NBAS: variants seen among roughly 807,000 people sequenced by gnomAD.
NBAS encodes NAG/BC035112 fusion.
Under a neutral mutation model 302.5 loss-of-function variants are expected in NBAS, and 219 were observed. The observed-to-expected ratio is 0.72, with a 90% CI of 0.65 to 0.81. The LOEUF (loss-of-function observed/expected upper bound fraction) is 0.81, where lower values mean the gene tolerates loss of function less well. NBAS is among the 30% of genes least tolerant of loss of function. The probability of loss-of-function intolerance (pLI) is 0.00; values close to 1 mark genes in which losing one functional copy is unlikely to be tolerated. For synonymous variants in NBAS, 1,118 were observed against 1,021.6 expected, an observed-to-expected ratio of 1.09 and a Z score of -1.80; for missense variants, 2,932 against 2,841.6, an observed-to-expected ratio of 1.03 and a Z score of -0.72.
intron 47 of NBAS, among the ~76,000 whole-genome samples, chr2:15,221,445 G>C (rs1442367333): frequency 6.6e-6 from 1 of 152,050 alleles, no homozygotes; most frequent in Non-Finnish European, 1.5e-5. Flanking sequence ...ATAATTATCA[G>C]CATCATCAAA....
At chr2:15,341,170 G>A (rs1672832117) in intron 35 of NBAS, among the ~76,000 whole-genome samples, 1 of 152,164 alleles carries the variant, frequency 6.6e-6, no homozygotes, top group Admixed American at 6.6e-5. Context: ...CAGATCACTT[G>A]AGGCCAAGAG....
chr2:14,800,854 G>A, the NBAS span, among the ~76,000 whole-genome samples: 3 of 122,638 alleles, frequency 2.4e-5, no homozygotes, highest in Admixed American at 1.7e-4. Flanking sequence ...TCCTTCTTTT[G>A]TGTAGATCAA....
intron 21 of NBAS, among the ~76,000 whole-genome samples, chr2:15,440,562 A>C (rs1678324311): frequency 6.6e-6 from 1 of 152,164 alleles, no homozygotes; most frequent in Admixed American, 6.5e-5. Context: ...ATGGGGAAAA[A>C]ACAGAGCAGA....
intron 38 of NBAS, among the ~76,000 whole-genome samples, chr2:15,309,949 T>C (rs756563051): frequency 5.3e-5 from 8 of 152,228 alleles, no homozygotes; most frequent in Admixed American, 3.9e-4. Context: ...AGCATCTCAG[T>C]AGCAAATACT....
chr2:15,093,234 G>A, the NBAS span, among the ~76,000 whole-genome samples: 1 of 152,088 alleles, frequency 6.6e-6, no homozygotes, highest in Non-Finnish European at 1.5e-5. Context: ...TGGCCAACAT[G>A]GTAAAACCCC....
chr2:15,163,037 G>A (rs1282372644), downstream of NBAS, among the ~76,000 whole-genome samples: 1 of 152,192 alleles, frequency 6.6e-6, no homozygotes, highest in African/African-American at 2.4e-5. Context: ...TCGTGCCACG[G>A]GCCTGCCGCT....
chr2:15,421,979 C>T (rs1259611000), intron 23 of NBAS, among the ~76,000 whole-genome samples: 2 of 152,184 alleles, frequency 1.3e-5, no homozygotes, highest in Non-Finnish European at 2.9e-5. Context: ...TCATCATCCC[C>T]CAAAGTCCAC....
At chr2:14,784,778 C>T in the NBAS span, among the ~76,000 whole-genome samples, 1 of 152,098 alleles carries the variant, frequency 6.6e-6, no homozygotes, top group East Asian at 1.9e-4. Context: ...GTTCTTTTGT[C>T]TTAGGATTGA....
chr2:15,437,973 TGA>T (rs955504002), intron 21 of NBAS, among the ~76,000 whole-genome samples: 3 of 152,184 alleles, frequency 2.0e-5, no homozygotes, highest in Non-Finnish European at 2.9e-5. Flanking sequence ...TAAATGCCCT[TGA>T]GAGATAACAC....
intron 11 of NBAS, among the ~76,000 whole-genome samples, chr2:15,499,284 G>A (rs745933507): frequency 3.9e-5 from 6 of 152,074 alleles, no homozygotes; most frequent in South Asian, 2.1e-4. Context: ...AATATAAATC[G>A]TTCTGTCATA....
chr2:15,429,640 T>C (rs1414942972), intron 21 of NBAS, among the ~76,000 whole-genome samples: 1 of 152,154 alleles, frequency 6.6e-6, no homozygotes, highest in Non-Finnish European at 1.5e-5. Flanking sequence ...GGGCAAATTA[T>C]CCAAAGTCAA....
the NBAS span, among the ~76,000 whole-genome samples, chr2:15,033,627 T>C: frequency 1.3e-5 from 2 of 152,110 alleles, no homozygotes; most frequent in Admixed American, 6.5e-5. Context: ...GATAATTAGT[T>C]CATAAGGGTG....
At chr2:14,782,966 G>C in the NBAS span, among the ~76,000 whole-genome samples, 1 of 152,084 alleles carries the variant, frequency 6.6e-6, no homozygotes, top group Admixed American at 6.6e-5. Flanking sequence ...GAGGGTGGAA[G>C]GTGGGAGGAG....
intron 41 of NBAS, 45 bp from the exon 42 acceptor site, chr2:15,287,228 A>G (rs1447270588): frequency 2.0e-6 from 3 of 1,492,698 alleles, no homozygotes; most frequent in Non-Finnish European, 2.8e-6. Context: ...GAGGAGAAAC[A>G]CATGACTTCA....
the NBAS span, among the ~76,000 whole-genome samples, chr2:15,005,440 AT>A: frequency 6.6e-6 from 1 of 152,206 alleles, no homozygotes; most frequent in Non-Finnish European, 1.5e-5. Flanking sequence ...AGTCCTTTTC[AT>A]CATTTTACTT....
chr2:15,252,999 T>C (rs1473802687), intron 44 of NBAS, among the ~76,000 whole-genome samples: 1 of 152,066 alleles, frequency 6.6e-6, no homozygotes, highest in African/African-American at 2.4e-5. Context: ...GAAGCAGAAC[T>C]TGAAGCATCA....
Position 15,534,624 on chromosome 2 carries a change from C to A in NBAS, c.665G>T (p.Ser222Ile), listed in dbSNP as rs745695970. The change falls in exon 9 of 52, where the codon AGC becomes ATC. Residue 222 changes from serine to isoleucine, a missense_variant. Physicochemically the swap from Ser to Ile is moderately radical, Grantham distance 142. Transcript: ENST00000281513. ...GCTGAAACAGTGACTTTCTTGGTAG[C>A]TCTGATTTGTTCCAACACTAAATTT... ...SYLVSVGTNQSYQESHCFSFS... is the reference protein window; with the variant it reads ...SYLVSVGTNQIYQESHCFSFS... 1.2e-6 allele frequency: 2 copies of A among 1,613,360 alleles called. No individual in the cohort carries two copies. The highest frequency in any genetic ancestry group is 2.7e-5 in the African/African-American group (2 of 74,904).
chr2:15,006,681 G>A, the NBAS span, among the ~76,000 whole-genome samples: 58 of 152,094 alleles, frequency 3.8e-4, no homozygotes, highest in African/African-American at 1.1e-3. Context: ...ATAACTATTC[G>A]TTTACAATTA....
chr2:15,485,511 G>C (rs1680587060), intron 12 of NBAS, among the ~76,000 whole-genome samples: 2 of 152,202 alleles, frequency 1.3e-5, no homozygotes, highest in South Asian at 4.1e-4. Context: ...AAGAACATAT[G>C]CATCAGTGTC....
Sources: gnomAD v4.1 joint callset for allele counts (sites outside exome capture counted in the v4.1 genomes callset) on GRCh38, gnomAD v4.1.1 for gene constraint, MANE v1.5 for transcripts, NCBI Gene and HGNC (gene_info 2026-07-23, HGNC 2026-07-21) for gene names.